EXT2: variants seen among roughly 807,000 people sequenced by gnomAD.
EXT2 encodes exostosin glycosyltransferase 2.
In EXT2, 53 loss-of-function variants were observed where a neutral mutation model predicts 81.6. That is an observed-to-expected ratio of 0.65 (90% CI 0.52 to 0.82). The LOEUF (loss-of-function observed/expected upper bound fraction) is 0.82. Among genes scored for constraint, EXT2 ranks in the 40% least tolerant of loss-of-function variants. EXT2 has a pLI of 0.00. For synonymous variants in EXT2, 320 were observed against 340.0 expected, an observed-to-expected ratio of 0.94 and a Z score of 0.65; for missense variants, 774 against 910.2, an observed-to-expected ratio of 0.85 and a Z score of 1.93.
chr11:44,173,563 C>CTTTTTTTTTT (rs66702988), intron 8 of EXT2, among the ~76,000 whole-genome samples: 57 of 100,038 alleles, frequency 5.7e-4, no homozygotes, highest in East Asian at 1.3e-3. Flanking sequence ...TTCTTTCTTT[C>CTTTTTTTTTT]TTTTTTTTTT....
chr11:44,145,751 A>G (rs1300244997), intron 7 of EXT2, among the ~76,000 whole-genome samples: 2 of 152,174 alleles, frequency 1.3e-5, no homozygotes, highest in Non-Finnish European at 2.9e-5. Flanking sequence ...AAAACTATGA[A>G]CTTTATTTAT....
At chr11:44,125,434 T>A (rs2135016886) in intron 5 of EXT2, among the ~76,000 whole-genome samples, 1 of 152,264 alleles carries the variant, frequency 6.6e-6, no homozygotes, top group South Asian at 2.1e-4. Context: ...TTTTGATTGT[T>A]TTGCTATTTG....
chr11:44,203,944 G>T lies in EXT2; in HGVS notation c.1496-2849G>T, dbSNP rs78369330. On this transcript the variant is annotated intron_variant, in intron 9 of 13. Transcript: ENST00000533608. ...CAATGATGACTACAGTTGAAACTGA[G>T]AGGCAATAAAGTGATAAGTGGCACA... 5.5e-3 allele frequency among the ~76,000 whole-genome samples: 843 copies of T among 152,354 alleles called. 14 individuals carry two copies. Among genetic ancestry groups the T allele is most frequent in the African/African-American group, 0.019 (798 of 41,580 alleles).
chr11:44,206,600 T>C (rs1169869127), intron 9 of EXT2, among the ~76,000 whole-genome samples, 193 bp from the exon 10 acceptor site: 2 of 152,216 alleles, frequency 1.3e-5, no homozygotes, highest in African/African-American at 4.8e-5. Context: ...TATGTGTACG[T>C]GCAGTATATA....
chr11:44,206,687 G>A (rs537059098), intron 9 of EXT2, 106 bp from the exon 10 acceptor site: 69 of 1,199,320 alleles, frequency 5.8e-5, no homozygotes, highest in Middle Eastern at 4.4e-4. Flanking sequence ...GATGAGAGCC[G>A]TGGATACAAG....
In EXT2 at chr11:44,114,065, ACT is replaced by A. The variant is rs750959556; in HGVS notation, c.627-117_627-116del. ...AAGGCATTGTCTTTATAGAAAACTG[ACT>A]CTGTAAACGTTAGCTGGTTTTGATA... On this transcript the variant is annotated intron_variant, in intron 3 of 13. Coordinates refer to ENST00000533608, the MANE Select transcript of EXT2 (RefSeq NM_207122.2). The A allele has an allele frequency of 1.5e-4, 134 of 898,662 alleles. 1 individual carries two copies. In the East Asian group the frequency reaches 2.5e-3, roughly 17 times the overall value. The allele number at this position is 898,662 out of a possible 1,614,324, so 55.7% of individuals were successfully genotyped here. A position where few individuals can be genotyped will look rare whatever the true frequency, so the allele number is the denominator to read the frequency against.
rs1284635425 is a variant in EXT2 at position 44,251,000 on chromosome 11, G to A, written c.*6713G>A. ...GTCTTTCTCTAGTAGATCATTGGGG[G>A]CTCACCTTGATCTCCTCTCTTCTGT... On this transcript the variant is annotated 3_prime_UTR_variant, in exon 14 of 14. Coordinates refer to ENST00000533608, the MANE Select transcript of EXT2 (RefSeq NM_207122.2). 6.6e-6 allele frequency among the ~76,000 whole-genome samples: 1 copy of A among 152,178 alleles called. No individual in the cohort carries two copies. Among genetic ancestry groups the A allele is most frequent in the Non-Finnish European group, 1.5e-5 (1 of 68,032 alleles).
chr11:44,240,465 G>A (rs952945689), intron 13 of EXT2, among the ~76,000 whole-genome samples: 9 of 152,116 alleles, frequency 5.9e-5, no homozygotes, highest in Admixed American at 4.6e-4. Context: ...CTGAGGCAAG[G>A]GGATCACTTG....
At chr11:44,139,407 G>T (rs1461378042) in intron 7 of EXT2, among the ~76,000 whole-genome samples, 1 of 152,068 alleles carries the variant, frequency 6.6e-6, no homozygotes, top group Non-Finnish European at 1.5e-5. Context: ...CAGCTGAGGA[G>T]CTACAGTCTA....
intron 8 of EXT2, among the ~76,000 whole-genome samples, chr11:44,176,230 A>G (rs981299246): frequency 2.7e-4 from 41 of 152,228 alleles, no homozygotes; most frequent in African/African-American, 9.6e-4. Flanking sequence ...ACTTTATCCT[A>G]TACTTTTATC....
chr11:44,172,613 C>T (rs1187486548), intron 8 of EXT2, among the ~76,000 whole-genome samples: 9 of 134,754 alleles, frequency 6.7e-5, no homozygotes, highest in Non-Finnish European at 9.3e-5. Flanking sequence ...GATGGAGTTT[C>T]GCTCTTGTTG....
chr11:44,207,296 G>A (rs920557330), intron 10 of EXT2, among the ~76,000 whole-genome samples: 2 of 152,220 alleles, frequency 1.3e-5, no homozygotes, highest in Admixed American at 1.3e-4. Context: ...AAGCAGCTAG[G>A]CGCTGCAACA....
chr11:44,224,068 A>T (rs914891765), intron 10 of EXT2, among the ~76,000 whole-genome samples: 1 of 152,172 alleles, frequency 6.6e-6, no homozygotes, highest in Non-Finnish European at 1.5e-5. Flanking sequence ...GTTTTGCAAG[A>T]TGTTGGGGGA....
At chr11:44,201,083 G>T (rs1254075525) in intron 9 of EXT2, among the ~76,000 whole-genome samples, 1 of 152,190 alleles carries the variant, frequency 6.6e-6, no homozygotes, top group Non-Finnish European at 1.5e-5. Flanking sequence ...TACTTTGTAT[G>T]AATGGAAGGT....
intron 7 of EXT2, among the ~76,000 whole-genome samples, chr11:44,165,388 T>C (rs1357340372): frequency 6.6e-6 from 1 of 152,184 alleles, no homozygotes; most frequent in African/African-American, 2.4e-5. Flanking sequence ...CATTTCAAGG[T>C]ATTACAGAAG....
At chr11:44,129,771 C>T (rs1236225940) in intron 6 of EXT2, among the ~76,000 whole-genome samples, 1 of 152,122 alleles carries the variant, frequency 6.6e-6, no homozygotes, top group Non-Finnish European at 1.5e-5. Flanking sequence ...GAAATAATAC[C>T]AGTGTGGCTA....
chr11:44,096,759 T>C (rs773085975), intron 1 of EXT2, among the ~76,000 whole-genome samples: 1 of 152,236 alleles, frequency 6.6e-6, no homozygotes, highest in Admixed American at 6.5e-5. Context: ...TTGCTTGGTG[T>C]TACTGATTGG....
rs1470381472 is a variant in EXT2 at position 44,206,829 on chromosome 11, T to C, written c.1532T>C (p.Val511Ala). The change falls in exon 10 of 14, where the codon GTT becomes GCT. Residue 511 changes from valine to alanine, a missense_variant. Val to Ala is a moderately conservative substitution (Grantham distance 64). Around this residue, in one of 2 missense-constraint regions of EXT2, gnomAD observed 626 missense variants for 670.5 expected, o/e 0.93. Transcript: ENST00000533608. The part of the protein sequence containing the change: ...LWPKIRVPLK[V>A]VRTAENKLSN... Reference sequence around the variant, plus strand: ...CCCAAAATCCGGGTTCCATTAAAAGTTGTGAGGACTGCTGAAAACAAGTTA... The same window carrying C: ...CCCAAAATCCGGGTTCCATTAAAAGCTGTGAGGACTGCTGAAAACAAGTTA... The C allele has an allele frequency of 3.1e-6, 5 of 1,613,968 alleles. No homozygotes were observed. In the African/African-American group the frequency reaches 5.3e-5, roughly 17 times the overall value.
chr11:44,150,384 C>T (rs1470344603), intron 7 of EXT2, among the ~76,000 whole-genome samples: 1 of 152,094 alleles, frequency 6.6e-6, no homozygotes, highest in African/African-American at 2.4e-5. Flanking sequence ...ATGAACAACC[C>T]ATCGTGGATT....
Sources: allele counts gnomAD v4.1 joint callset (sites outside exome capture counted in the v4.1 genomes callset), GRCh38; gene constraint gnomAD v4.1.1; regional missense constraint gnomAD v4.1.1; transcripts MANE v1.5; gene names NCBI Gene and HGNC (gene_info 2026-07-23, HGNC 2026-07-21).